MRC1: variants seen among roughly 807,000 people sequenced by gnomAD.
MRC1 encodes the protein macrophage mannose receptor 1.
In MRC1, 62 loss-of-function variants were observed where a neutral mutation model predicts 102.9. The ratio of observed to expected loss-of-function variants is 0.60; its 90% CI spans 0.49 to 0.74. MRC1 has a LOEUF of 0.74. Ranked by LOEUF, MRC1 falls within the 30% of genes least tolerant of loss-of-function variation. The pLI is 0.00. For synonymous variants in MRC1, 457 were observed against 298.4 expected (o/e 1.53, Z -5.48); for missense variants, 1,237 against 862.8 (o/e 1.43, Z -5.43).
At chr10:17,873,892 T>A in intron 16 of MRC1, 67 bp downstream of exon 16, 1 of 856,972 alleles carries the variant, frequency 1.2e-6, no homozygotes, top group Non-Finnish European at 2.0e-6. Context: ...CCTTTCTCAA[T>A]GAAAAAATTA....
At chr10:17,836,239 T>G (rs1387988289) in intron 4 of MRC1, among the ~76,000 whole-genome samples, 4 of 152,208 alleles carry the variant, frequency 2.6e-5, no homozygotes, top group African/African-American at 9.7e-5. Context: ...TATAAGTTAT[T>G]ATTAAGGAGA....
At chr10:17,843,684 A>G (rs1187406295) in intron 5 of MRC1, among the ~76,000 whole-genome samples, 1 of 152,210 alleles carries the variant, frequency 6.6e-6, no homozygotes, top group East Asian at 1.9e-4. Context: ...AAAAAAGATA[A>G]CTTAATGCTT....
chr10:17,879,032 G>A (rs990928792), intron 18 of MRC1, among the ~76,000 whole-genome samples: 1 of 152,148 alleles, frequency 6.6e-6, no homozygotes, highest in Non-Finnish European at 1.5e-5. Flanking sequence ...ACGAGAATCA[G>A]AGAATGAGTC....
intron 12 of MRC1, 138 bp downstream of exon 12, chr10:17,866,899 G>T (rs1833277065): frequency 2.8e-6 from 2 of 716,704 alleles, no homozygotes; most frequent in Non-Finnish European, 5.2e-6. Context: ...ATTCTGATTT[G>T]ATTAACCCGG....
intron 24 of MRC1, 128 bp from the exon 25 acceptor site, chr10:17,900,660 A>C: frequency 1.4e-6 from 1 of 737,776 alleles, no homozygotes; most frequent in South Asian, 1.5e-5. Context: ...TGTTCTTTTT[A>C]TTCTCAAATG....
chr10:17,845,523 C>T (rs888374230), intron 6 of MRC1, 88 bp downstream of exon 6: 51 of 763,804 alleles, frequency 6.7e-5, no homozygotes, highest in Non-Finnish European at 1.1e-4. Context: ...GTTGGAATGC[C>T]GCCAGAGGTT....
intron 1 of MRC1, among the ~76,000 whole-genome samples, chr10:17,820,422 G>A (rs1838377645): frequency 6.6e-6 from 1 of 151,906 alleles, no homozygotes; most frequent in African/African-American, 2.4e-5. Context: ...AAGATGAACT[G>A]CAGATAAAAA....
At chr10:17,871,953 A>G in intron 14 of MRC1, 29 bp from the exon 15 acceptor site, 1 of 778,896 alleles carries the variant, frequency 1.3e-6, no homozygotes, top group Non-Finnish European at 2.4e-6. Flanking sequence ...CAAATGGTTA[A>G]TGGTTGTAGT....
In MRC1 at chr10:17,809,525, G is replaced by T. The variant is rs1589159413; in HGVS notation, c.60G>T (p.Leu20=). 1.1e-6 allele frequency: 1 copy of T among 872,750 alleles called. No homozygotes were observed. The highest frequency in any genetic ancestry group is 2.0e-6 in the Non-Finnish European group (1 of 501,518). 54.1% of individuals were successfully genotyped at this position (872,750 alleles called of 1,614,324 possible). Residue 20 remains leucine (L), a splice_region_variant and synonymous_variant, in exon 1 of 30, where the codon CTG becomes CTT. Coordinates refer to ENST00000569591, the MANE Select transcript of MRC1 (RefSeq NM_002438.4). ...ASVIPGAVLL[L]DTRQFLIYNE... ...TCATTCCGGGTGCTGTTCTCCTACT[G>T]GGTAAGTCTGCTCTGAGGCAGGGGA...
At chr10:17,821,323 A>G (rs1554838261) in intron 1 of MRC1, among the ~76,000 whole-genome samples, 2 of 152,182 alleles carry the variant, frequency 1.3e-5, no homozygotes, top group Admixed American at 1.3e-4. Flanking sequence ...CCCAAGATCC[A>G]TGAGCTAAAA....
At chr10:17,876,448 A>G (rs1183761272) in intron 17 of MRC1, among the ~76,000 whole-genome samples, 1 of 152,000 alleles carries the variant, frequency 6.6e-6, no homozygotes, top group Admixed American at 6.6e-5. Flanking sequence ...GGGTTTCACC[A>G]TGTTGGCCAA....
rs782417570 is a variant in MRC1 at position 17,833,732 on chromosome 10, T to A, written c.695T>A (p.Ile232Lys). ...CCGCTGACCAGCGTTTCCTACCAGA[T>A]AAACTCCAAATCCGCTTTAACGTGG... Reference protein sequence around the residue: ...KDPLTSVSYQINSKSALTWHQ... With the variant: ...KDPLTSVSYQKNSKSALTWHQ... Residue 232 changes from isoleucine to lysine, a missense_variant, in exon 4 of 30, where the codon ATA becomes AAA. Transcript: ENST00000569591. The A allele has an allele frequency of 2.9e-5, 23 of 781,026 alleles. No homozygotes were observed. The South Asian group carries it at 3.1e-4, about 10-fold the overall frequency. 48.4% of individuals were successfully genotyped at this position (781,026 alleles called of 1,614,324 possible). A position where few individuals can be genotyped will look rare whatever the true frequency, so the allele number is the denominator to read the frequency against.
At chr10:17,847,150 A>C (rs1838838130) in intron 6 of MRC1, among the ~76,000 whole-genome samples, 1 of 110,536 alleles carries the variant, frequency 9.0e-6, no homozygotes, top group African/African-American at 3.1e-5. Flanking sequence ...TAGGAGAAAT[A>C]GTGTATTTTT....
intron 12 of MRC1, among the ~76,000 whole-genome samples, chr10:17,869,270 A>G (rs1298873087): frequency 1.3e-5 from 2 of 152,218 alleles, no homozygotes; most frequent in East Asian, 1.9e-4. Context: ...ATAAAATCTT[A>G]TATCACAGTC....
Position 17,815,208 on chromosome 10 carries a change from A to C in MRC1, c.61+5682A>C, listed in dbSNP as rs907702069. 2.6e-3 allele frequency among the ~76,000 whole-genome samples: 389 copies of C among 152,280 alleles called. 3 individuals carry two copies. The highest frequency in any genetic ancestry group is 4.4e-3 in the South Asian group (21 of 4,822). On this transcript the variant is annotated intron_variant, in intron 1 of 29. Coordinates refer to ENST00000569591, the MANE Select transcript of MRC1 (RefSeq NM_002438.4). ...TTTATTTTACAGATGGGGAAGTGGA[A>C]GCACAGAGTAATGTTGAACTTGGCC...
At chr10:17,842,385 A>T (rs894060901) in intron 5 of MRC1, among the ~76,000 whole-genome samples, 3 of 152,246 alleles carry the variant, frequency 2.0e-5, no homozygotes, top group African/African-American at 4.8e-5. Context: ...GGCTTAAATA[A>T]ATTAGATTTT....
At chr10:17,858,591 A>G (rs1254060308) in intron 9 of MRC1, among the ~76,000 whole-genome samples, 2 of 152,144 alleles carry the variant, frequency 1.3e-5, no homozygotes, top group Non-Finnish European at 2.9e-5. Flanking sequence ...GGGCTCAAGT[A>G]ATTCTTCTGC....
chr10:17,903,609 T>G (rs1170222070), intron 26 of MRC1, among the ~76,000 whole-genome samples: 4 of 152,032 alleles, frequency 2.6e-5, no homozygotes, highest in African/African-American at 9.7e-5. Context: ...TTGGTCAGGC[T>G]GTTTTCGAAC....
chr10:17,818,162 C>T (rs1403772651), intron 1 of MRC1, among the ~76,000 whole-genome samples: 6 of 152,152 alleles, frequency 3.9e-5, no homozygotes, highest in Non-Finnish European at 8.8e-5. Flanking sequence ...AATTGCTCTT[C>T]AGTAAAAATA....
Sources: gnomAD v4.1 joint callset for allele counts (sites outside exome capture counted in the v4.1 genomes callset) on GRCh38, gnomAD v4.1.1 for gene constraint, MANE v1.5 for transcripts, NCBI Gene and HGNC (gene_info 2026-07-23, HGNC 2026-07-21) for gene names.